The following ABCA12 variants were observed in gnomAD, a reference collection of about 807,000 sequenced individuals.
ABCA12 encodes the protein glucosylceramide transporter ABCA12.
Under a neutral mutation model 293.5 loss-of-function variants are expected in ABCA12, and 156 were observed. The ratio of observed to expected loss-of-function variants is 0.53; its 90% CI spans 0.47 to 0.61. The LOEUF is 0.61. Among genes scored for constraint, ABCA12 ranks in the 20% least tolerant of loss-of-function variants. ABCA12 has a pLI of 0.00. For missense variants in ABCA12, 2,797 were observed against 3,090.2 expected, an observed-to-expected ratio of 0.91 and a Z score of 2.25; for synonymous variants, 1,063 against 1,108.0, an observed-to-expected ratio of 0.96 and a Z score of 0.81.
chr2:214,972,016 A>G lies in ABCA12; in HGVS notation c.5563-1616T>C, dbSNP rs111873053. ...ATGTCCCTGATGACTACCTTTTTAT[A>G]TATTTATTGGCCATTTGGATATGCT... On this transcript the variant is annotated intron_variant, in intron 36 of 52. Transcript: ENST00000272895. Among the ~76,000 whole-genome samples the G allele has an allele frequency of 5.9e-3, 895 of 152,078 alleles. 4 individuals carry two copies. Among genetic ancestry groups the G allele is most frequent in the Non-Finnish European group, 9.4e-3 (639 of 67,972 alleles).
intron 2 of ABCA12, among the ~76,000 whole-genome samples, 185 bp downstream of exon 2, chr2:215,111,412 C>T (rs543743581): frequency 6.6e-6 from 1 of 152,274 alleles, no homozygotes; most frequent in South Asian, 2.1e-4. Context: ...ATAAATATTA[C>T]AAACTCAACT....
intron 1 of ABCA12, among the ~76,000 whole-genome samples, chr2:215,130,832 A>G (rs1033447772): frequency 1.2e-4 from 18 of 152,206 alleles, no homozygotes; most frequent in African/African-American, 4.1e-4. Flanking sequence ...TCTTAGGGGA[A>G]ATGTTTCAAC....
At chr2:214,947,796 CA>C (rs754734465) in intron 47 of ABCA12, 1 of 514,438 alleles carries the variant, frequency 1.9e-6, no homozygotes, top group Non-Finnish European at 3.5e-6. Flanking sequence ...CCTCCCCCAC[CA>C]AACGTGTGTG....
At chr2:215,072,511 C>T (rs768865990) in intron 2 of ABCA12, among the ~76,000 whole-genome samples, 6 of 152,110 alleles carry the variant, frequency 3.9e-5, no homozygotes, top group Admixed American at 2.0e-4. Context: ...TTAGTGTACA[C>T]TTGAATTGAT....
Position 215,081,162 on chromosome 2 carries a change from G to C in ABCA12, c.164-16943C>G, listed in dbSNP as rs112719090. On this transcript the variant is annotated intron_variant, in intron 2 of 52. Transcript: ENST00000272895. The stretch of plus-strand genomic sequence containing the variant: ...TATGTCAATTGACTCTCTTTAGCCT[G>C]TTTGCCTTCACTTCTTAACAACACA... 5.8e-3 allele frequency among the ~76,000 whole-genome samples: 877 copies of C among 152,202 alleles called. 2 individuals carry two copies. The highest frequency in any genetic ancestry group is 0.011 in the Admixed American group (171 of 15,290).
At chr2:215,090,112 C>T (rs947307689) in intron 2 of ABCA12, among the ~76,000 whole-genome samples, 1 of 152,134 alleles carries the variant, frequency 6.6e-6, no homozygotes, top group Non-Finnish European at 1.5e-5. Context: ...TGACCCCTGC[C>T]CCTGCCTGCA....
chr2:214,975,496 C>A (rs1463327546), intron 34 of ABCA12, among the ~76,000 whole-genome samples: 1 of 152,098 alleles, frequency 6.6e-6, no homozygotes, highest in African/African-American at 2.4e-5. Context: ...TATATTACAA[C>A]AGATTGGGAA....
chr2:214,943,866 G>A (rs1043988179), intron 49 of ABCA12, among the ~76,000 whole-genome samples: 6 of 152,102 alleles, frequency 3.9e-5, no homozygotes, highest in African/African-American at 1.4e-4. Context: ...ATTGTGCTGG[G>A]GCAAACTATG....
Position 214,949,057 on chromosome 2 carries a change from C to A in ABCA12, c.6945G>T (p.Leu2315=). ...TTTCATACCCGGTCTTATTTCTGAT[C>A]AGAATGTTTCCACTTGAAGGAATGA... ...GDIIPSSGNI[L]IRNKTGSLGH... Residue 2315 remains leucine (L), a synonymous_variant, in exon 46 of 53, where the codon CTG becomes CTT. Transcript: ENST00000272895. The A allele has an allele frequency of 6.2e-7, 1 of 1,613,492 alleles. No homozygotes were observed. Among genetic ancestry groups the A allele is most frequent in the South Asian group, 1.1e-5 (1 of 91,028 alleles).
In ABCA12 at chr2:215,046,844, C is replaced by T. The variant is rs150337847; in HGVS notation, c.694-829G>A. 2.8e-4 allele frequency among the ~76,000 whole-genome samples: 42 copies of T among 152,014 alleles called. No individual in the cohort carries two copies. In the East Asian group the frequency reaches 7.5e-3, roughly 27 times the overall value. ...AACCCAAATGCCCATAAATGATAGA[C>T]TGGATAAAGAAAATATGACACTATA... On this transcript the variant is annotated intron_variant, in intron 6 of 52. Coordinates refer to ENST00000272895, the MANE Select transcript of ABCA12 (RefSeq NM_173076.3).
chr2:215,011,868 T>G (rs1451875558), intron 16 of ABCA12, 103 bp downstream of exon 16: 10 of 1,349,116 alleles, frequency 7.4e-6, no homozygotes, highest in South Asian at 3.8e-5. Context: ...AGGTGTTGTT[T>G]TTTTTTTTTT....
chr2:215,114,556 G>T lies in ABCA12; in HGVS notation c.70-2866C>A, dbSNP rs1244709395. Among the ~76,000 whole-genome samples, 3 of 152,198 alleles carry T rather than the reference G, an allele frequency of 2.0e-5. 1 individual carries two copies. Among genetic ancestry groups the T allele is most frequent in the African/African-American group, 7.2e-5 (3 of 41,526 alleles). ...GAATCCCAAGATACATAGGAGGCCA[G>T]GATTCTTTTTTTTATAATTATTGTG... On this transcript the variant is annotated intron_variant, in intron 1 of 52. Transcript: ENST00000272895.
chr2:215,062,277 T>C (rs1190286206), intron 3 of ABCA12, among the ~76,000 whole-genome samples: 1 of 152,034 alleles, frequency 6.6e-6, no homozygotes, highest in Non-Finnish European at 1.5e-5. Context: ...CCATCAACAT[T>C]GGAACAAGAA....
chr2:214,968,597 T>G, intron 38 of ABCA12, 123 bp downstream of exon 38: 1 of 908,532 alleles, frequency 1.1e-6, no homozygotes, highest in South Asian at 1.4e-5. Flanking sequence ...CACTGTGCCC[T>G]GGGTTATGCA....
At chr2:215,074,554 T>C (rs1701797893) in intron 2 of ABCA12, among the ~76,000 whole-genome samples, 1 of 152,164 alleles carries the variant, frequency 6.6e-6, no homozygotes, top group Non-Finnish European at 1.5e-5. Flanking sequence ...GGTCTGTGTA[T>C]TGATAGAGGT....
intron 28 of ABCA12, among the ~76,000 whole-genome samples, chr2:214,984,093 C>T (rs940896196): frequency 1.3e-4 from 3 of 23,968 alleles, no homozygotes; most frequent in African/African-American, 5.0e-4. Flanking sequence ...AACGATCAGG[C>T]CTTTTTTTTT....
At chr2:215,122,704 C>T (rs1158167938) in intron 1 of ABCA12, among the ~76,000 whole-genome samples, 1 of 152,148 alleles carries the variant, frequency 6.6e-6, no homozygotes, top group Non-Finnish European at 1.5e-5. Context: ...AGTTAATTTC[C>T]CTTCTTTAGG....
At chr2:215,094,671 C>G (rs1222355973) in intron 2 of ABCA12, among the ~76,000 whole-genome samples, 2 of 152,186 alleles carry the variant, frequency 1.3e-5, no homozygotes, top group African/African-American at 4.8e-5. Flanking sequence ...GACTCTCCTC[C>G]TAGCCCCTCC....
intron 50 of ABCA12, among the ~76,000 whole-genome samples, chr2:214,939,125 G>A (rs773180188): frequency 3.9e-5 from 6 of 152,104 alleles, no homozygotes; most frequent in East Asian, 3.9e-4. Flanking sequence ...AATCCATGTC[G>A]AATTAATTTT....
Sources: gnomAD v4.1 joint callset for allele counts (sites outside exome capture counted in the v4.1 genomes callset) on GRCh38, gnomAD v4.1.1 for gene constraint, MANE v1.5 for transcripts, NCBI Gene and HGNC (gene_info 2026-07-23, HGNC 2026-07-21) for gene names.